The following TMCO1 variants were observed in gnomAD, a reference collection of about 807,000 sequenced individuals.
TMCO1 encodes transmembrane and coiled-coil domains 1.
In TMCO1, 29 loss-of-function variants were observed where a neutral mutation model predicts 29.3. The ratio of observed to expected loss-of-function variants is 0.99; its 90% CI spans 0.74 to 1.35. The LOEUF (loss-of-function observed/expected upper bound fraction) is 1.35, where lower values mean the gene tolerates loss of function less well. TMCO1 is among the 40% of genes most tolerant of loss of function. The pLI is 0.00. For synonymous variants in TMCO1, 80 were observed against 77.1 expected (o/e 1.04, Z -0.20); for missense variants, 173 against 225.5 (o/e 0.77, Z 1.49).
intron 5 of TMCO1, among the ~76,000 whole-genome samples, chr1:165,744,026 AT>A (rs1432797711): frequency 6.6e-5 from 10 of 151,848 alleles, no homozygotes; most frequent in Non-Finnish European, 2.9e-5. Context: ...CACCCAGCTA[AT>A]TTTTGTATTT....
At chr1:165,748,618 G>A (rs1350040742) in intron 5 of TMCO1, among the ~76,000 whole-genome samples, 1 of 152,146 alleles carries the variant, frequency 6.6e-6, no homozygotes, top group Non-Finnish European at 1.5e-5. Context: ...TTGAATTCCT[G>A]GTGATGAGAA....
rs769148322 is a variant in TMCO1 at position 165,743,262 on chromosome 1, T to A, written c.373A>T (p.Ile125Phe). 6.2e-7 allele frequency: 1 copy of A among 1,612,578 alleles called. No individual in the cohort carries two copies. Among genetic ancestry groups the A allele is most frequent in the Non-Finnish European group, 8.5e-7 (1 of 1,179,838 alleles). ...AGATTTCGATGAGACAGTCCTTGGATGTAAGAAAGAGGGGTAAAAGGAAGC... is the reference window on the plus strand; with the variant it reads ...AGATTTCGATGAGACAGTCCTTGGAAGTAAGAAAGAGGGGTAAAAGGAAGC... Reference protein sequence around the residue: ...AKLPFTPLSYIQGLSHRNLLG... With the variant: ...AKLPFTPLSYFQGLSHRNLLG... The change falls in exon 6 of 7, where the codon ATC (isoleucine) becomes TTC (phenylalanine). Residue 125 changes from isoleucine to phenylalanine, a missense_variant. Ile to Phe is a conservative substitution (Grantham distance 21, BLOSUM62 0). Coordinates refer to ENST00000367881, the MANE Select transcript of TMCO1 (RefSeq NM_019026.6).
chr1:165,728,451 T>C (rs1038753493), intron 6 of TMCO1, among the ~76,000 whole-genome samples: 4 of 151,904 alleles, frequency 2.6e-5, no homozygotes, highest in African/African-American at 9.7e-5. Context: ...AGAGACAGGG[T>C]TTCATCATGT....
At chr1:165,765,597 G>A (rs1331091355) in intron 2 of TMCO1, among the ~76,000 whole-genome samples, 1 of 152,180 alleles carries the variant, frequency 6.6e-6, no homozygotes, top group African/African-American at 2.4e-5. Context: ...GTTTTAAATA[G>A]AGTGGTCAAC....
intron 6 of TMCO1, among the ~76,000 whole-genome samples, chr1:165,733,577 C>T (rs1286078583): frequency 6.6e-6 from 1 of 150,826 alleles, no homozygotes; most frequent in Non-Finnish European, 1.5e-5. Flanking sequence ...ACCTGGGTGA[C>T]AGAGCAAGAC....
intron 5 of TMCO1, among the ~76,000 whole-genome samples, chr1:165,751,132 T>G (rs777233264): frequency 1.3e-5 from 2 of 152,136 alleles, no homozygotes; most frequent in Non-Finnish European, 2.9e-5. Flanking sequence ...TCAAACTCAG[T>G]TCCATAATTA....
intron 5 of TMCO1, among the ~76,000 whole-genome samples, chr1:165,746,178 G>A (rs1381092762): frequency 3.3e-5 from 5 of 151,712 alleles, no homozygotes; most frequent in African/African-American, 1.2e-4. Context: ...GCATGGTGGT[G>A]CATGCCTGTA....
At chr1:165,760,496 A>G (rs781371935) in intron 2 of TMCO1, among the ~76,000 whole-genome samples, 16 of 151,922 alleles carry the variant, frequency 1.1e-4, no homozygotes, top group Non-Finnish European at 2.4e-4. Flanking sequence ...ATTACATAAC[A>G]ATAAGCTTTT....
chr1:165,764,793 A>G (rs1350898804), intron 2 of TMCO1, among the ~76,000 whole-genome samples: 8 of 152,232 alleles, frequency 5.3e-5, no homozygotes, highest in East Asian at 3.8e-4. Flanking sequence ...AAGTAACATA[A>G]TCAGATTTGT....
At chr1:165,756,616 C>G (rs949793284) in intron 3 of TMCO1, among the ~76,000 whole-genome samples, 4 of 152,048 alleles carry the variant, frequency 2.6e-5, no homozygotes, top group African/African-American at 9.7e-5. Flanking sequence ...ATCAAATCTT[C>G]AGTTAAAAAG....
rs1469004623 is a variant in TMCO1, at chr1:165,727,511, G to T, written c.*512C>A. 3 of 452,880 alleles carry T rather than the reference G, an allele frequency of 6.6e-6. No individual in the cohort carries two copies. The highest frequency in any genetic ancestry group is 4.0e-5 in the African/African-American group (2 of 49,638). The allele number at this position is 452,880 out of a possible 1,614,324, so 28.1% of individuals were successfully genotyped here. A position where few individuals can be genotyped will look rare whatever the true frequency, so the allele number is the denominator to read the frequency against. On this transcript the variant is annotated 3_prime_UTR_variant, in exon 7 of 7. Coordinates refer to ENST00000367881, the MANE Select transcript of TMCO1 (RefSeq NM_019026.6). Reference sequence around the variant, plus strand: ...GCTAAAACTTATATCTAGAAATACGGCAAAACAAAATGAAACAGATCTCTC... The same window carrying T: ...GCTAAAACTTATATCTAGAAATACGTCAAAACAAAATGAAACAGATCTCTC...
intron 5 of TMCO1, among the ~76,000 whole-genome samples, chr1:165,748,457 CACAG>C (rs1169736006): frequency 1.3e-5 from 2 of 152,106 alleles, no homozygotes; most frequent in Non-Finnish European, 1.5e-5. Context: ...TGAATGACTA[CACAG>C]ACAGAAAACA....
rs183642587 is a variant in TMCO1 at position 165,766,385 on chromosome 1, C to T, written c.148+1807G>A. ...TTTGGGAGTCACTGGCCAATACAGC[C>T]AAAAGATAAGTTCACCAAGGAAGTG... On this transcript the variant is annotated intron_variant, in intron 2 of 6. Transcript: ENST00000367881. Among the ~76,000 whole-genome samples the T allele has an allele frequency of 6.6e-5, 10 of 152,206 alleles. No homozygotes were observed. The East Asian group carries it at 1.9e-3, about 29-fold the overall frequency.
intron 5 of TMCO1, among the ~76,000 whole-genome samples, chr1:165,747,757 G>T (rs533527848): frequency 1.6e-4 from 25 of 152,186 alleles, no homozygotes; most frequent in Non-Finnish European, 3.2e-4. Context: ...TTAAACCCCA[G>T]CTCAACATTT....
chr1:165,767,186 A>G (rs1217609956), intron 2 of TMCO1, among the ~76,000 whole-genome samples: 3 of 151,422 alleles, frequency 2.0e-5, no homozygotes, highest in Non-Finnish European at 2.9e-5. Context: ...GTAATTTAAG[A>G]AAAAAAACTT....
intron 6 of TMCO1, among the ~76,000 whole-genome samples, chr1:165,740,326 G>A (rs1234297011): frequency 6.6e-6 from 1 of 151,702 alleles, no homozygotes; most frequent in African/African-American, 2.4e-5. Flanking sequence ...TCAGTCGCCC[G>A]AGTAGCTGGG....
chr1:165,756,136 C>CT (rs1324854694), intron 3 of TMCO1, among the ~76,000 whole-genome samples: 1 of 151,902 alleles, frequency 6.6e-6, no homozygotes, highest in African/African-American at 2.4e-5. Flanking sequence ...ACTTAGAACC[C>CT]TTCATTTTTC....
intron 6 of TMCO1, among the ~76,000 whole-genome samples, chr1:165,739,211 C>T (rs1171648345): frequency 1.3e-5 from 2 of 152,074 alleles, no homozygotes; most frequent in Non-Finnish European, 2.9e-5. Context: ...TAGCATATAC[C>T]GTACACTTCA....
chr1:165,761,184 T>TGC (rs1420900637), intron 2 of TMCO1, among the ~76,000 whole-genome samples: 2 of 151,970 alleles, frequency 1.3e-5, no homozygotes, highest in Non-Finnish European at 2.9e-5. Flanking sequence ...TGTGTGTGTG[T>TGC]GTGTGTGTGT....
Sources: allele counts gnomAD v4.1 joint callset (sites outside exome capture counted in the v4.1 genomes callset), GRCh38; gene constraint gnomAD v4.1.1; transcripts MANE v1.5; gene names NCBI Gene and HGNC (gene_info 2026-07-23, HGNC 2026-07-21).